CHODL: variants seen among roughly 807,000 people sequenced by gnomAD.
The protein encoded by CHODL is chondrolectin.
CHODL carries 29 observed loss-of-function variants against 34.5 expected under a neutral mutation model. The ratio of observed to expected loss-of-function variants is 0.84; its 90% CI spans 0.63 to 1.15. CHODL has a LOEUF of 1.15. Ranked by LOEUF, CHODL falls within the 50% of genes most tolerant of loss-of-function variation. The pLI is 0.00. For synonymous variants in CHODL, 125 were observed against 116.1 expected (o/e 1.08, Z -0.49); for missense variants, 332 against 332.5 (o/e 1.00, Z 0.01).
intron 2 of CHODL, among the ~76,000 whole-genome samples, chr21:18,194,979 C>G (rs1230881800): frequency 6.6e-6 from 1 of 151,912 alleles, no homozygotes; most frequent in Non-Finnish European, 1.5e-5. Context: ...CTAAAATCTA[C>G]TCATTTTGCA....
At chr21:18,243,341 A>G (rs1400878105), upstream of CHODL, among the ~76,000 whole-genome samples, 2 of 152,152 alleles carry the variant, frequency 1.3e-5, no homozygotes, top group Non-Finnish European at 1.5e-5. Flanking sequence ...CTGGAGGCGT[A>G]TCAGTTTTCC....
intron 2 of CHODL, among the ~76,000 whole-genome samples, chr21:18,064,988 G>A (rs1048871149): frequency 4.6e-5 from 7 of 152,156 alleles, no homozygotes; most frequent in African/African-American, 1.7e-4. Context: ...TAGTTTAAAC[G>A]AAGGAAGGCT....
chr21:18,209,636 A>C (rs1345296588), intron 2 of CHODL, among the ~76,000 whole-genome samples: 1 of 152,144 alleles, frequency 6.6e-6, no homozygotes, highest in Admixed American at 6.5e-5. Context: ...GTGCTGGGTC[A>C]CATCTGAAGC....
rs8128550 is a variant in CHODL, at chr21:18,071,075, C to T, written c.-45+43104C>T. Among the ~76,000 whole-genome samples, 539 of 151,284 alleles carry T rather than the reference C, an allele frequency of 3.6e-3. 3 individuals are homozygous for T. Among genetic ancestry groups the T allele is most frequent in the African/African-American group, 0.013 (516 of 41,206 alleles). On this transcript the variant is annotated intron_variant, in intron 2 of 6. Transcript: ENST00000400127. ...ATATATATTTTTTCAATTTTTACTC[C>T]TCTTGCCCATTTCTGTCTCAGTCCA...
At chr21:18,097,149 T>G (rs1478936462) in intron 2 of CHODL, among the ~76,000 whole-genome samples, 1 of 152,150 alleles carries the variant, frequency 6.6e-6, no homozygotes, top group Non-Finnish European at 1.5e-5. Flanking sequence ...GCCATTTCTT[T>G]CAAATCTAGA....
At chr21:18,004,068 T>C (rs1363465444) in intron 1 of CHODL, among the ~76,000 whole-genome samples, 1 of 152,234 alleles carries the variant, frequency 6.6e-6, no homozygotes, top group Non-Finnish European at 1.5e-5. Flanking sequence ...CTATTTTGTC[T>C]TCAAAGTGTT....
At chr21:18,172,225 G>T (rs2073241034) in intron 2 of CHODL, among the ~76,000 whole-genome samples, 1 of 152,028 alleles carries the variant, frequency 6.6e-6, no homozygotes, top group Non-Finnish European at 1.5e-5. Context: ...TGTTGTGTTA[G>T]ACAGTTGCCA....
intron 2 of CHODL, among the ~76,000 whole-genome samples, chr21:18,073,216 G>A (rs1304536583): frequency 2.0e-5 from 3 of 152,060 alleles, no homozygotes; most frequent in Admixed American, 6.6e-5. Context: ...ACTTTAATCT[G>A]GAATACAAGG....
At chr21:18,066,284 G>T (rs146968246) in intron 2 of CHODL, among the ~76,000 whole-genome samples, 3 of 152,100 alleles carry the variant, frequency 2.0e-5, no homozygotes, top group Non-Finnish European at 4.4e-5. Flanking sequence ...GCTGGAAATT[G>T]CTCAATTTTA....
At chr21:18,186,029 G>T (rs1229800676) in intron 2 of CHODL, among the ~76,000 whole-genome samples, 1 of 152,050 alleles carries the variant, frequency 6.6e-6, no homozygotes, top group Non-Finnish European at 1.5e-5. Flanking sequence ...CATAGCAATT[G>T]CCTTAATAAA....
chr21:18,147,140 G>A (rs1011425994), intron 2 of CHODL, among the ~76,000 whole-genome samples: 1 of 152,206 alleles, frequency 6.6e-6, no homozygotes, highest in Non-Finnish European at 1.5e-5. Context: ...GGTTTTGACA[G>A]TTGTTTGAGT....
intron 2 of CHODL, among the ~76,000 whole-genome samples, chr21:18,239,067 A>G (rs2074056853): frequency 6.6e-6 from 1 of 152,048 alleles, no homozygotes. Flanking sequence ...GCTCCGTTAA[A>G]TTTTTCTGCT....
chr21:18,096,562 G>T (rs978748540), intron 2 of CHODL, among the ~76,000 whole-genome samples: 6 of 152,120 alleles, frequency 3.9e-5, no homozygotes. Context: ...GATGAAATAT[G>T]CCCTGGTCTC....
chr21:18,085,862 G>A (rs1401095970), intron 2 of CHODL, among the ~76,000 whole-genome samples: 1 of 151,888 alleles, frequency 6.6e-6, no homozygotes, highest in African/African-American at 2.4e-5. Flanking sequence ...ATTTGACTGG[G>A]GATTGGTGGG....
chr21:17,936,420 C>A (rs1292049679), intron 1 of CHODL, among the ~76,000 whole-genome samples: 1 of 150,236 alleles, frequency 6.7e-6, no homozygotes, highest in Non-Finnish European at 1.5e-5. Context: ...GGAGAGAGAC[C>A]CTTAAATCCT....
chr21:18,036,316 T>C (rs1385835397), intron 2 of CHODL, among the ~76,000 whole-genome samples: 1 of 152,084 alleles, frequency 6.6e-6, no homozygotes, highest in Non-Finnish European at 1.5e-5. Context: ...CATTTTATCC[T>C]TGGCTTTGTG....
chr21:17,964,743 A>T (rs1015425107), intron 1 of CHODL, among the ~76,000 whole-genome samples: 3 of 152,228 alleles, frequency 2.0e-5, no homozygotes, highest in African/African-American at 7.2e-5. Flanking sequence ...ATCAATGTTA[A>T]CTGTCCATCT....
At chr21:18,259,569 C>T (rs930575173) in intron 3 of CHODL, among the ~76,000 whole-genome samples, 2 of 152,128 alleles carry the variant, frequency 1.3e-5, no homozygotes, top group African/African-American at 4.8e-5. Context: ...ATTGAAGAGA[C>T]ATCTATAAAA....
chr21:18,113,662 T>A (rs955955981), intron 2 of CHODL, among the ~76,000 whole-genome samples: 1 of 152,072 alleles, frequency 6.6e-6, no homozygotes, highest in South Asian at 2.1e-4. Context: ...AAGGGGGGAA[T>A]CCACCCATGA....
Sources: allele counts gnomAD v4.1 joint callset (sites outside exome capture counted in the v4.1 genomes callset), GRCh38; gene constraint gnomAD v4.1.1; transcripts MANE v1.5; gene names NCBI Gene and HGNC (gene_info 2026-07-23, HGNC 2026-07-21).